Variants in COG6 observed in about 807,000 individuals in gnomAD.
COG6 encodes the protein conserved oligomeric Golgi complex subunit 6.
In COG6, 74 loss-of-function variants were observed where a neutral mutation model predicts 88.8. The ratio of observed to expected loss-of-function variants is 0.83; its 90% CI spans 0.69 to 1.01. COG6 has a LOEUF of 1.01. COG6 is among the 50% of genes least tolerant of loss of function. The probability of loss-of-function intolerance (pLI) is 0.00; values close to 1 mark genes in which losing one functional copy is unlikely to be tolerated. For synonymous variants in COG6, 286 were observed against 278.7 expected, an observed-to-expected ratio of 1.03 and a Z score of -0.26; for missense variants, 800 against 797.9, an observed-to-expected ratio of 1.00 and a Z score of -0.03.
chr13:39,706,873 A>C (rs1469639944), intron 13 of COG6, among the ~76,000 whole-genome samples: 1 of 151,722 alleles, frequency 6.6e-6, no homozygotes, highest in Non-Finnish European at 1.5e-5. Flanking sequence ...TAGTAGAGAC[A>C]GGGTTTCACC....
intron 18 of COG6, among the ~76,000 whole-genome samples, chr13:39,781,328 A>C (rs926482576): frequency 1.2e-4 from 18 of 152,206 alleles, no homozygotes; most frequent in African/African-American, 4.3e-4. Flanking sequence ...TGGAACATGC[A>C]AAATCAGTTG....
In COG6 at chr13:39,669,006, C is replaced by T. The variant is rs114495153; in HGVS notation, c.428+3852C>T. Among the ~76,000 whole-genome samples, 547 of 101,296 alleles carry T rather than the reference C, an allele frequency of 5.4e-3. 3 individuals carry two copies. Among genetic ancestry groups the T allele is most frequent in the African/African-American group, 0.017 (510 of 30,194 alleles). 66.5% of individuals were successfully genotyped at this position (101,296 alleles called of 152,430 possible). On this transcript the variant is annotated intron_variant, in intron 4 of 18. Coordinates refer to ENST00000455146, the MANE Select transcript of COG6 (RefSeq NM_020751.3). Reference sequence around the variant, plus strand: ...ATCATTTGTAGATTCCTGAATGCGCCACCATAGTCACGATATAGTACACAG... The same window carrying T: ...ATCATTTGTAGATTCCTGAATGCGCTACCATAGTCACGATATAGTACACAG...
At chr13:39,770,295 C>T (rs1439004170) in intron 18 of COG6, among the ~76,000 whole-genome samples, 2 of 152,186 alleles carry the variant, frequency 1.3e-5, no homozygotes, top group African/African-American at 2.4e-5. Flanking sequence ...CTCACATTGA[C>T]GGAGGTGTCC....
At chr13:39,658,872 C>A (rs1468754119) in intron 1 of COG6, among the ~76,000 whole-genome samples, 1 of 152,150 alleles carries the variant, frequency 6.6e-6, no homozygotes, top group Non-Finnish European at 1.5e-5. Flanking sequence ...TTAAATAGAT[C>A]ATTCCAGAGA....
At chr13:39,679,265 G>T in intron 5 of COG6, 1 of 427,212 alleles carries the variant, frequency 2.3e-6, no homozygotes, top group Non-Finnish European at 4.2e-6. Context: ...CTTGAGGACA[G>T]GGATTTTTGT....
chr13:39,665,459 GT>G (rs936964148), intron 4 of COG6, among the ~76,000 whole-genome samples: 15 of 152,136 alleles, frequency 9.9e-5, no homozygotes, highest in African/African-American at 3.6e-4. Context: ...ATTTTTAATA[GT>G]TTTATTACTT....
rs1387148661 is a variant in COG6 at position 39,751,327 on chromosome 13, G to T, written c.*234G>T. On this transcript the variant is annotated 3_prime_UTR_variant, in exon 19 of 19. Coordinates refer to ENST00000455146, the MANE Select transcript of COG6 (RefSeq NM_020751.3). ...TCTAAATGAGATGATCTATTTTTTT[G>T]CTAGCCATCTCTCCAGCTCTGCAGT... The T allele has an allele frequency of 1.4e-6, 2 of 1,465,638 alleles. No homozygotes were observed. The highest frequency in any genetic ancestry group is 2.8e-5 in the African/African-American group (2 of 70,994). The allele number at this position is 1,465,638 out of a possible 1,614,324, so 90.8% of individuals were successfully genotyped here.
intron 18 of COG6, among the ~76,000 whole-genome samples, chr13:39,766,626 A>C (rs963549801): frequency 6.6e-6 from 1 of 152,112 alleles, no homozygotes; most frequent in African/African-American, 2.4e-5. Flanking sequence ...TTTTATCCAG[A>C]ACTGAGGCTC....
intron 18 of COG6, among the ~76,000 whole-genome samples, chr13:39,728,438 A>G (rs1440110511): frequency 6.6e-6 from 1 of 151,256 alleles, no homozygotes; most frequent in Non-Finnish European, 1.5e-5. Flanking sequence ...AGAATTTGGT[A>G]TCAATTAGAA....
chr13:39,692,644 T>C (rs1465412002), intron 11 of COG6, among the ~76,000 whole-genome samples: 1 of 152,000 alleles, frequency 6.6e-6, no homozygotes, highest in Non-Finnish European at 1.5e-5. Flanking sequence ...ACCCACTCTC[T>C]TTCTCTTGCT....
At chr13:39,781,755 G>A (rs1881637431) in intron 18 of COG6, among the ~76,000 whole-genome samples, 1 of 152,112 alleles carries the variant, frequency 6.6e-6, no homozygotes, top group South Asian at 2.1e-4. Flanking sequence ...GCACCTGGCA[G>A]GGTCACCAGT....
chr13:39,714,919 C>T (rs1362032877), intron 13 of COG6, among the ~76,000 whole-genome samples: 2 of 152,078 alleles, frequency 1.3e-5, no homozygotes, highest in African/African-American at 2.4e-5. Flanking sequence ...TTGAATGGAG[C>T]AGGAGGCCAT....
At chr13:39,661,484 G>A (rs1448930651) in intron 3 of COG6, among the ~76,000 whole-genome samples, 2 of 152,088 alleles carry the variant, frequency 1.3e-5, no homozygotes, top group African/African-American at 2.4e-5. Flanking sequence ...CTCTTGGAAC[G>A]ATTGACATCA....
intron 18 of COG6, among the ~76,000 whole-genome samples, chr13:39,746,771 A>T (rs1460118652): frequency 2.0e-5 from 3 of 152,182 alleles, no homozygotes; most frequent in Non-Finnish European, 4.4e-5. Context: ...TTACATAGTA[A>T]TTATTACTGT....
intron 3 of COG6, among the ~76,000 whole-genome samples, chr13:39,662,179 A>G (rs1452601126): frequency 2.4e-5 from 3 of 122,694 alleles, no homozygotes; most frequent in African/African-American, 9.4e-5. Flanking sequence ...GTCTCGCTGT[A>G]TCCTTAGTGG....
At chr13:39,741,608 A>G (rs1880046302) in intron 18 of COG6, among the ~76,000 whole-genome samples, 1 of 152,206 alleles carries the variant, frequency 6.6e-6, no homozygotes, top group Admixed American at 6.5e-5. Flanking sequence ...ACTATGTGAA[A>G]AGACCAAATC....
chr13:39,722,817 A>T (rs906147184), intron 15 of COG6, among the ~76,000 whole-genome samples: 1 of 151,934 alleles, frequency 6.6e-6, no homozygotes, highest in Non-Finnish European at 1.5e-5. Context: ...TCTTTAGTCA[A>T]GTTTCTACTG....
In COG6 at chr13:39,699,564, C is replaced by CA; in HGVS notation, c.1237dup (p.Ile413AsnfsTer5). ...CCATTGAAGAAATGCATTTGCTAAG[C>CA]AAAAAAATATTCTTCAATAGCTTGA... On this transcript the variant is annotated frameshift_variant, in exon 13 of 19. Transcript: ENST00000455146. LOFTEE classifies it high-confidence loss of function. 1.3e-6 allele frequency: 2 copies of CA among 1,594,468 alleles called. No individual in the cohort carries two copies. The highest frequency in any genetic ancestry group is 1.7e-6 in the Non-Finnish European group (2 of 1,163,648).
intron 1 of COG6, among the ~76,000 whole-genome samples, chr13:39,657,357 A>G (rs946939646): frequency 6.6e-6 from 1 of 152,176 alleles, no homozygotes; most frequent in Non-Finnish European, 1.5e-5. Context: ...TACCATGAGG[A>G]AAATAAAGCA....
Sources: allele counts gnomAD v4.1 joint callset (sites outside exome capture counted in the v4.1 genomes callset), GRCh38; gene constraint gnomAD v4.1.1; transcripts MANE v1.5; gene names NCBI Gene and HGNC (gene_info 2026-07-23, HGNC 2026-07-21).